The following PALD1 variants were observed in gnomAD, a reference collection of about 807,000 sequenced individuals.
PALD1 encodes phosphatase domain containing paladin 1, also known as paladin.
In PALD1, 57 loss-of-function variants were observed where a neutral mutation model predicts 96.0. The ratio of observed to expected loss-of-function variants is 0.59; its 90% CI spans 0.48 to 0.74. PALD1 has a LOEUF of 0.74. Ranked by LOEUF, PALD1 falls within the 30% of genes least tolerant of loss-of-function variation. The pLI is 0.00. For synonymous variants in PALD1, 464 were observed against 473.6 expected (o/e 0.98, Z 0.26); for missense variants, 1,063 against 1,143.7 (o/e 0.93, Z 1.02).
At chr10:70,537,970 C>A in intron 11 of PALD1, 64 bp downstream of exon 11, 1 of 1,184,104 alleles carries the variant, frequency 8.4e-7, no homozygotes, top group South Asian at 1.3e-5. Context: ...CTCCCCACCG[C>A]AGTGACTGGC....
the PALD1 span, among the ~76,000 whole-genome samples, chr10:70,459,563 G>C: frequency 6.6e-6 from 1 of 152,180 alleles, no homozygotes; most frequent in South Asian, 2.1e-4. Context: ...AGGGAAGGAC[G>C]TCCAGATTTG....
At chr10:70,519,426 G>T (rs950656376) in intron 1 of PALD1, among the ~76,000 whole-genome samples, 15 of 152,028 alleles carry the variant, frequency 9.9e-5, no homozygotes, top group African/African-American at 3.6e-4. Flanking sequence ...TCCTCAGATG[G>T]TGTGACCAGG....
chr10:70,566,762 C>A lies in PALD1; in HGVS notation c.*29C>A. ...GCCTTACTCCCTGTCCCCCCACCCA[C>A]AGGGCCCCACGCAGGCCTGGGGTGT... is the stretch of plus-strand genomic sequence containing the variant. On this transcript the variant is annotated 3_prime_UTR_variant, in exon 20 of 20. Transcript: ENST00000263563. 1 of 1,513,182 alleles carries A rather than the reference C, an allele frequency of 6.6e-7. No homozygotes were observed. 93.7% of individuals were successfully genotyped at this position (1,513,182 alleles called of 1,614,324 possible).
chr10:70,468,465 A>G, the PALD1 span, among the ~76,000 whole-genome samples: 1 of 151,982 alleles, frequency 6.6e-6, no homozygotes, highest in South Asian at 2.1e-4. Flanking sequence ...GCTGGTCTCA[A>G]ACTCCTGACC....
chr10:70,542,404 A>G (rs1847269620), intron 17 of PALD1, among the ~76,000 whole-genome samples: 1 of 152,174 alleles, frequency 6.6e-6, no homozygotes, highest in African/African-American at 2.4e-5. Context: ...TTCATCTTGC[A>G]AAACAGAACT....
At chr10:70,516,811 G>A (rs769144672) in intron 1 of PALD1, among the ~76,000 whole-genome samples, 5 of 151,958 alleles carry the variant, frequency 3.3e-5, no homozygotes, top group Non-Finnish European at 7.4e-5. Flanking sequence ...CTCCTGACTC[G>A]ACCTCTCAAT....
chr10:70,561,199 T>C (rs1847731360), intron 18 of PALD1, among the ~76,000 whole-genome samples: 1 of 152,162 alleles, frequency 6.6e-6, no homozygotes, highest in South Asian at 2.1e-4. Flanking sequence ...GCAGCCTCCA[T>C]CCCCACGGCT....
At chr10:70,538,013 G>T in intron 11 of PALD1, 107 bp downstream of exon 11, 1 of 876,330 alleles carries the variant, frequency 1.1e-6, no homozygotes. Context: ...AAGGAACCGG[G>T]GAGGGAAGGG....
At chr10:70,524,921 G>A (rs1051392306) in intron 1 of PALD1, among the ~76,000 whole-genome samples, 2 of 152,202 alleles carry the variant, frequency 1.3e-5, no homozygotes, top group Admixed American at 1.3e-4. Flanking sequence ...CAGGAGGACT[G>A]CCGAATCCCC....
intron 2 of PALD1, among the ~76,000 whole-genome samples, chr10:70,528,405 C>T (rs1846914860): frequency 6.6e-6 from 1 of 152,166 alleles, no homozygotes; most frequent in African/African-American, 2.4e-5. Flanking sequence ...GCCCCAGGCA[C>T]TGGGCTAAGC....
the PALD1 span, among the ~76,000 whole-genome samples, chr10:70,463,625 G>T: frequency 1.3e-5 from 2 of 152,054 alleles, no homozygotes; most frequent in Non-Finnish European, 2.9e-5. Context: ...TGCTGTCATG[G>T]AGCTAATATC....
chr10:70,557,633 A>G (rs1847637307), intron 18 of PALD1, among the ~76,000 whole-genome samples: 1 of 152,130 alleles, frequency 6.6e-6, no homozygotes, highest in African/African-American at 2.4e-5. Context: ...CTGAGGATGC[A>G]GTTTGCAGGG....
Position 70,547,308 on chromosome 10 carries a change from A to G in PALD1, c.2124A>G (p.Val708=). The G allele has an allele frequency of 6.2e-7, 1 of 1,613,436 alleles. No homozygotes were observed. The highest frequency in any genetic ancestry group is 8.5e-7 in the Non-Finnish European group (1 of 1,179,528). The change falls in exon 18 of 20, where the codon GTA becomes GTG. Residue 708 remains valine (V), a splice_region_variant and synonymous_variant. Transcript: ENST00000263563. The stretch of plus-strand genomic sequence containing the variant: ...TCACCCCCCTTCTCTGGCCCCAGGT[A>G]GTAATGAAGGTGGTGCAGCTGCTAC... ...DAKFTKGEFQ[V]VMKVVQLLPD...
At chr10:70,463,356 T>C in the PALD1 span, among the ~76,000 whole-genome samples, 1 of 151,876 alleles carries the variant, frequency 6.6e-6, no homozygotes, top group Admixed American at 6.6e-5. Flanking sequence ...ACCGAGATCG[T>C]GCCACTGCAC....
chr10:70,459,894 G>T, the PALD1 span, among the ~76,000 whole-genome samples: 1 of 152,028 alleles, frequency 6.6e-6, no homozygotes, highest in Non-Finnish European at 1.5e-5. Flanking sequence ...TCCAGCTGCC[G>T]CACCTTCTCC....
chr10:70,551,698 A>G (rs870459), intron 18 of PALD1, among the ~76,000 whole-genome samples: 27,259 of 152,134 alleles, frequency 0.18, 2,686 homozygotes, highest in East Asian at 0.47. Flanking sequence ...CTCCTGTGAT[A>G]TGGCATTTGT....
Position 70,539,818 on chromosome 10 carries a change from T to C in PALD1, c.1908+56T>C. On this transcript the variant is annotated intron_variant, in intron 15 of 19. Transcript: ENST00000263563. This position sits in a 1 kb window ranked among gnomAD's most constrained non-coding sequence, Gnocchi z 4.5. ...GGGAGGGACAGGAGGCCTCCCTGTCTCCCCTCTGGTCTGGGCTCTGGGAGA... is the reference window on the plus strand; with the variant it reads ...GGGAGGGACAGGAGGCCTCCCTGTCCCCCCTCTGGTCTGGGCTCTGGGAGA... 1 of 1,431,106 alleles carries C rather than the reference T, an allele frequency of 7.0e-7. No individual in the cohort carries two copies. Among genetic ancestry groups the C allele is most frequent in the Non-Finnish European group, 9.5e-7 (1 of 1,049,586 alleles). 88.7% of individuals were successfully genotyped at this position (1,431,106 alleles called of 1,614,324 possible). A position where few individuals can be genotyped will look rare whatever the true frequency, so the allele number is the denominator to read the frequency against.
chr10:70,553,489 G>T (rs748467519), intron 18 of PALD1, among the ~76,000 whole-genome samples: 1 of 152,176 alleles, frequency 6.6e-6, no homozygotes, highest in Non-Finnish European at 1.5e-5. Flanking sequence ...ACCCAGTGCC[G>T]GCCACACATG....
At chr10:70,505,371 G>A (rs1439447327) in intron 1 of PALD1, among the ~76,000 whole-genome samples, 2 of 152,038 alleles carry the variant, frequency 1.3e-5, no homozygotes, top group Non-Finnish European at 2.9e-5. Context: ...CGAGGGAGGC[G>A]GATCACCTGA....
Sources: allele counts gnomAD v4.1 joint callset (sites outside exome capture counted in the v4.1 genomes callset), GRCh38; gene constraint gnomAD v4.1.1; non-coding constraint Gnocchi (gnomAD v3.1); transcripts MANE v1.5; gene names NCBI Gene and HGNC (gene_info 2026-07-23, HGNC 2026-07-21).